Variants in ZNF69 observed in about 807,000 individuals in gnomAD.
ZNF69 encodes ZNF3.
In ZNF69, 47 loss-of-function variants were observed where a neutral mutation model predicts 50.9. The ratio of observed to expected loss-of-function variants is 0.92; its 90% confidence interval spans 0.73 to 1.18. The LOEUF is 1.18. Ranked by LOEUF, ZNF69 falls within the 50% of genes most tolerant of loss-of-function variation. The pLI, the probability that ZNF69 is intolerant of heterozygous loss-of-function variation, is 0.00. For synonymous variants in ZNF69, 216 were observed against 223.1 expected (o/e 0.97, Z 0.29); for missense variants, 717 against 675.1 (o/e 1.06, Z -0.69).
At chr19:11,910,331 C>T (rs1332770380), downstream of ZNF69, among the ~76,000 whole-genome samples, 1 of 152,158 alleles carries the variant, frequency 6.6e-6, no homozygotes, top group Non-Finnish European at 1.5e-5. Flanking sequence ...CTTTAAAGTT[C>T]ATATGGAACC....
the ZNF69 span, among the ~76,000 whole-genome samples, chr19:11,950,938 G>A: frequency 6.6e-6 from 1 of 152,006 alleles, no homozygotes; most frequent in African/African-American, 2.4e-5. Flanking sequence ...GGATCACGAG[G>A]TGAAGAGATC....
the ZNF69 span, chr19:11,947,597 A>C: frequency 6.2e-7 from 1 of 1,603,708 alleles, no homozygotes; most frequent in African/African-American, 1.3e-5. Flanking sequence ...TCCAAGAGAA[A>C]GCAGTGTCTC....
intron 1 of ZNF69, among the ~76,000 whole-genome samples, chr19:11,895,517 C>G (rs1977204605): frequency 6.6e-6 from 1 of 152,152 alleles, no homozygotes. Flanking sequence ...CTGTACCATC[C>G]ATGTGGGGTG....
the ZNF69 span, among the ~76,000 whole-genome samples, chr19:11,927,865 AAG>A: frequency 1.3e-5 from 2 of 152,208 alleles, no homozygotes; most frequent in Non-Finnish European, 2.9e-5. Context: ...TGTTAGTGTC[AAG>A]ATGGAGCTGA....
chr19:11,946,391 A>G, the ZNF69 span, among the ~76,000 whole-genome samples: 1 of 152,022 alleles, frequency 6.6e-6, no homozygotes, highest in Non-Finnish European at 1.5e-5. Flanking sequence ...ATTTCCTGCC[A>G]TGGGTCCTCT....
the ZNF69 span, among the ~76,000 whole-genome samples, chr19:11,954,996 ATTTTTTTTT>A: frequency 2.7e-4 from 27 of 101,712 alleles, no homozygotes; most frequent in Non-Finnish European, 4.8e-4. Context: ...TTTCAAAAAA[ATTTTTTTTT>A]TTTTTTTTTT....
downstream of ZNF69, among the ~76,000 whole-genome samples, chr19:11,918,996 C>T (rs534579681): frequency 1.3e-5 from 2 of 151,544 alleles, no homozygotes; most frequent in African/African-American, 4.8e-5. Flanking sequence ...CCCGGGTTCA[C>T]GCCATTCTCC....
chr19:11,922,136 A>G, the ZNF69 span, among the ~76,000 whole-genome samples: 3 of 152,150 alleles, frequency 2.0e-5, no homozygotes, highest in Admixed American at 1.3e-4. Context: ...AAAAAAAAAA[A>G]AGAGACAGAT....
chr19:11,927,047 A>G, the ZNF69 span, among the ~76,000 whole-genome samples: 1 of 152,168 alleles, frequency 6.6e-6, no homozygotes, highest in Non-Finnish European at 1.5e-5. Flanking sequence ...TGCAGTGAGA[A>G]GAGAGTTTAT....
chr19:11,925,068 A>G, the ZNF69 span: 2 of 863,010 alleles, frequency 2.3e-6, no homozygotes, highest in Non-Finnish European at 3.6e-6. Flanking sequence ...GGGGCGTGGC[A>G]CTGCCCACAG....
chr19:11,961,946 CACACACACACACAT>C, the ZNF69 span, among the ~76,000 whole-genome samples: 1 of 151,800 alleles, frequency 6.6e-6, no homozygotes, highest in African/African-American at 2.4e-5. Context: ...CACACACACA[CACACACACACACAT>C]ATATATTGTT....
chr19:11,955,935 A>G, the ZNF69 span, among the ~76,000 whole-genome samples: 1 of 152,192 alleles, frequency 6.6e-6, no homozygotes, highest in Non-Finnish European at 1.5e-5. Flanking sequence ...TTAATAAGAT[A>G]ATAAAATTCA....
chr19:11,940,977 CTAGA>C, the ZNF69 span, among the ~76,000 whole-genome samples: 1 of 151,748 alleles, frequency 6.6e-6, no homozygotes, highest in Non-Finnish European at 1.5e-5. Context: ...AAACCTTGAG[CTAGA>C]TACAGAGTGC....
At chr19:11,960,742 A>AT in the ZNF69 span, among the ~76,000 whole-genome samples, 1 of 150,480 alleles carries the variant, frequency 6.6e-6, no homozygotes, top group Non-Finnish European at 1.5e-5. Flanking sequence ...TCTTATTCTC[A>AT]TTTTTTACCT....
At chr19:11,909,467 A>G (rs1972426255), downstream of ZNF69, among the ~76,000 whole-genome samples, 1 of 152,228 alleles carries the variant, frequency 6.6e-6, no homozygotes, top group Non-Finnish European at 1.5e-5. Context: ...AAGCTTATCC[A>G]CCACGATCAA....
At chr19:11,949,988 A>G in the ZNF69 span, 12 of 1,614,084 alleles carry the variant, frequency 7.4e-6, no homozygotes, top group Non-Finnish European at 1.0e-5. Context: ...GAATGCGAAA[A>G]AGCATTCTGT....
chr19:11,928,805 T>C, the ZNF69 span, among the ~76,000 whole-genome samples: 4 of 144,666 alleles, frequency 2.8e-5, no homozygotes, highest in Non-Finnish European at 5.9e-5. Flanking sequence ...AGGGGCCTGG[T>C]AGGATGGCTC....
the ZNF69 span, chr19:11,950,765 A>G: frequency 5.0e-6 from 1 of 201,430 alleles, no homozygotes; most frequent in African/African-American, 2.4e-5. Flanking sequence ...TATGTATTAG[A>G]TCAAGCTTAT....
At position 11,896,217 on chromosome 19, in the gene ZNF69, TAAAAAAAAAAAA is replaced by T. The variant is rs138289885; in HGVS notation, c.64-7340_64-7329del. On this transcript the variant is annotated intron_variant, in intron 1 of 3. Transcript: ENST00000429654. ...CTTGGCAACAAGGGCGAAACTCCAT[TAAAAAAAAAAAA>T]AAAAAAAAAAAAAAAGATTCCCTGG... Among the ~76,000 whole-genome samples the T allele has an allele frequency of 2.9e-3, 184 of 63,882 alleles. 2 individuals carry two copies. The highest frequency in any genetic ancestry group is 0.012 in the African/African-American group (170 of 14,364). The allele number at this position is 63,882 out of a possible 152,430, so 41.9% of individuals were successfully genotyped here.
Sources: allele counts gnomAD v4.1 joint callset (sites outside exome capture counted in the v4.1 genomes callset), GRCh38; gene constraint gnomAD v4.1.1; transcripts MANE v1.5; gene names NCBI Gene and HGNC (gene_info 2026-07-23, HGNC 2026-07-21).